The following TMTC2 variants were observed in gnomAD, a reference collection of about 807,000 sequenced individuals.
The protein encoded by TMTC2 is protein O-mannosyl-transferase TMTC2.
A neutral mutation model predicts 82.4 loss-of-function variants in TMTC2; 43 were observed. The ratio of observed to expected loss-of-function variants is 0.52; its 90% CI spans 0.41 to 0.67. TMTC2 has a LOEUF of 0.67. Ranked by LOEUF, TMTC2 falls within the 30% of genes least tolerant of loss-of-function variation. The pLI is 0.00. For synonymous variants in TMTC2, 408 were observed against 381.9 expected, an observed-to-expected ratio of 1.07 and a Z score of -0.80; for missense variants, 919 against 1,012.4, an observed-to-expected ratio of 0.91 and a Z score of 1.25.
rs550584264 is a variant in TMTC2, at chr12:82,696,968, A to G, written c.83+9299A>G. Among the ~76,000 whole-genome samples the G allele has an allele frequency of 9.6e-3, 1,447 of 150,292 alleles. 17 individuals carry two copies. Among genetic ancestry groups the G allele is most frequent in the South Asian group, 0.023 (107 of 4,736 alleles). ...TCTTTCTACATACATACATACGTAT[A>G]TATATATATATATATGTTTCTATTA... On this transcript the variant is annotated intron_variant, in intron 1 of 11. Transcript: ENST00000321196.
chr12:83,048,814 A>T (rs980905025), intron 9 of TMTC2, among the ~76,000 whole-genome samples: 1 of 152,060 alleles, frequency 6.6e-6, no homozygotes, highest in Non-Finnish European at 1.5e-5. Context: ...GACTGCAGGC[A>T]CCCACCACTG....
At chr12:82,897,564 C>A (rs987060985) in intron 3 of TMTC2, among the ~76,000 whole-genome samples, 9 of 152,080 alleles carry the variant, frequency 5.9e-5, no homozygotes, top group African/African-American at 2.2e-4. Context: ...CTTGCTCTGT[C>A]GCCCAGGCCG....
intron 1 of TMTC2, among the ~76,000 whole-genome samples, chr12:82,708,822 G>C (rs1013458321): frequency 1.3e-5 from 2 of 152,194 alleles, no homozygotes; most frequent in Non-Finnish European, 2.9e-5. Context: ...TGCTCTCCAA[G>C]TGTTTTGCTT....
intron 1 of TMTC2, among the ~76,000 whole-genome samples, chr12:82,802,584 A>G (rs1345208184): frequency 6.6e-6 from 1 of 152,232 alleles, no homozygotes; most frequent in African/African-American, 2.4e-5. Context: ...TTCTAATTCG[A>G]TAATTCAAGA....
chr12:82,866,052 G>GA (rs1243364071), intron 2 of TMTC2, among the ~76,000 whole-genome samples: 7 of 152,082 alleles, frequency 4.6e-5, no homozygotes, highest in Admixed American at 4.6e-4. Context: ...GCCCTCAAGA[G>GA]AAAGCAGGAA....
intron 4 of TMTC2, among the ~76,000 whole-genome samples, chr12:82,936,455 G>T (rs1446598485): frequency 6.6e-6 from 1 of 151,738 alleles, no homozygotes; most frequent in East Asian, 1.9e-4. Flanking sequence ...CCCACAAAAG[G>T]CCAGTTACAC....
intron 1 of TMTC2, among the ~76,000 whole-genome samples, chr12:82,840,134 A>T (rs557005397): frequency 6.6e-6 from 1 of 152,346 alleles, no homozygotes; most frequent in Non-Finnish European, 1.5e-5. Flanking sequence ...CTGTAACTGA[A>T]GCAGTCATTT....
chr12:82,944,871 C>T (rs1000509054), intron 4 of TMTC2, among the ~76,000 whole-genome samples: 3 of 152,180 alleles, frequency 2.0e-5, no homozygotes, highest in African/African-American at 4.8e-5. Context: ...TACAGGGTAT[C>T]ATTCAGAGAG....
intron 11 of TMTC2, among the ~76,000 whole-genome samples, chr12:83,078,855 G>T (rs1883372899): frequency 6.6e-6 from 1 of 151,908 alleles, no homozygotes; most frequent in Non-Finnish European, 1.5e-5. Context: ...TAAATAACAG[G>T]CTAAGGAGGG....
chr12:82,706,631 G>A (rs1873371169), intron 1 of TMTC2, among the ~76,000 whole-genome samples: 1 of 152,174 alleles, frequency 6.6e-6, no homozygotes, highest in Admixed American at 6.6e-5. Context: ...ATTGCCAGTG[G>A]TGATTAGTAT....
At chr12:82,915,536 C>A (rs1453601043) in intron 3 of TMTC2, among the ~76,000 whole-genome samples, 1 of 152,108 alleles carries the variant, frequency 6.6e-6, no homozygotes, top group Non-Finnish European at 1.5e-5. Flanking sequence ...GGGCCTCGGG[C>A]CATTAGGTGG....
chr12:82,765,625 G>A lies in TMTC2; in HGVS notation c.83+77956G>A, dbSNP rs141709247. Among the ~76,000 whole-genome samples, 803 of 152,078 alleles carry A rather than the reference G, an allele frequency of 5.3e-3. 9 individuals carry two copies. Among genetic ancestry groups the A allele is most frequent in the Non-Finnish European group, 8.3e-3 (566 of 68,010 alleles). On this transcript the variant is annotated intron_variant, in intron 1 of 11. Coordinates refer to ENST00000321196, the MANE Select transcript of TMTC2 (RefSeq NM_152588.3). ...GAAGGCAGAGGTTGAGGTGAACCAA[G>A]ATTGCACCATTGCACTCTAGCTTTG... is the stretch of plus-strand genomic sequence containing the variant.
intron 3 of TMTC2, among the ~76,000 whole-genome samples, chr12:82,914,826 T>A (rs58429928): frequency 7.0e-5 from 10 of 142,350 alleles, no homozygotes; most frequent in African/African-American, 2.2e-4. Context: ...TATTTTTTTT[T>A]TTTTTTTTTT....
intron 1 of TMTC2, among the ~76,000 whole-genome samples, chr12:82,729,011 C>T (rs1874613539): frequency 6.6e-6 from 1 of 152,232 alleles, no homozygotes; most frequent in Non-Finnish European, 1.5e-5. Flanking sequence ...CCGCCCTCAC[C>T]CTGCGGCCTC....
intron 8 of TMTC2, among the ~76,000 whole-genome samples, chr12:83,015,262 A>T (rs1880624086): frequency 6.6e-6 from 1 of 152,210 alleles, no homozygotes; most frequent in Non-Finnish European, 1.5e-5. Flanking sequence ...GAGCAGGTCA[A>T]CATATTTCTT....
chr12:82,925,705 T>C (rs1438334382), intron 3 of TMTC2, among the ~76,000 whole-genome samples: 1 of 152,222 alleles, frequency 6.6e-6, no homozygotes, highest in Admixed American at 6.5e-5. Flanking sequence ...TATGCCCATA[T>C]AAAATGGTAA....
chr12:82,754,976 T>G (rs1876222434), intron 1 of TMTC2, among the ~76,000 whole-genome samples: 1 of 152,258 alleles, frequency 6.6e-6, no homozygotes, highest in African/African-American at 2.4e-5. Context: ...GCATAATTAT[T>G]TTCCAAGTGC....
intron 8 of TMTC2, among the ~76,000 whole-genome samples, chr12:82,990,495 T>C (rs560339935): frequency 6.6e-6 from 1 of 152,286 alleles, no homozygotes; most frequent in South Asian, 2.1e-4. Flanking sequence ...CCTTTTCCTC[T>C]CTTTGCCTGT....
intron 4 of TMTC2, 117 bp from the exon 5 acceptor site, chr12:82,964,907 G>A (rs1391104000): frequency 1.8e-6 from 1 of 557,186 alleles, no homozygotes; most frequent in Non-Finnish European, 3.1e-6. Flanking sequence ...TATATTACCA[G>A]GTTAGCATTT....
Sources: gnomAD v4.1 joint callset for allele counts (sites outside exome capture counted in the v4.1 genomes callset) on GRCh38, gnomAD v4.1.1 for gene constraint, MANE v1.5 for transcripts, NCBI Gene and HGNC (gene_info 2026-07-23, HGNC 2026-07-21) for gene names.